Variants in PLA2G4C observed in about 807,000 individuals in gnomAD.
PLA2G4C encodes cytosolic phospholipase A2 gamma.
Under a neutral mutation model 73.8 loss-of-function variants are expected in PLA2G4C, and 64 were observed. That is an observed-to-expected ratio of 0.87 (90% CI 0.71 to 1.07). PLA2G4C has a LOEUF of 1.07. PLA2G4C is among the 50% of genes least tolerant of loss of function. The pLI is 0.00. For missense variants in PLA2G4C, 622 were observed against 665.4 expected (o/e 0.93, Z 0.72); for synonymous variants, 254 against 252.1 (o/e 1.01, Z -0.07).
chr19:48,052,518 C>T (rs976014428), intron 16 of PLA2G4C, among the ~76,000 whole-genome samples: 4 of 152,066 alleles, frequency 2.6e-5, no homozygotes, highest in South Asian at 4.2e-4. Flanking sequence ...AGGCCTCCCA[C>T]CCATGCTTCC....
At chr19:48,055,264 C>T (rs1967894450) in intron 14 of PLA2G4C, among the ~76,000 whole-genome samples, 1 of 151,424 alleles carries the variant, frequency 6.6e-6, no homozygotes, top group Admixed American at 6.6e-5. Flanking sequence ...ACAACATTCG[C>T]GAGGTTAGAG....
intron 12 of PLA2G4C, among the ~76,000 whole-genome samples, chr19:48,068,693 T>C (rs1968541004): frequency 7.0e-6 from 1 of 141,878 alleles, no homozygotes; most frequent in Admixed American, 7.2e-5. Flanking sequence ...CTCACTTGTA[T>C]CACTCAGATC....
intron 14 of PLA2G4C, among the ~76,000 whole-genome samples, chr19:48,061,021 C>T (rs1159889976): frequency 6.6e-6 from 1 of 151,998 alleles, no homozygotes; most frequent in African/African-American, 2.4e-5. Context: ...AATAGCTGGG[C>T]AGGGCGGCTT....
At chr19:48,108,512 C>G (rs536038841) in intron 1 of PLA2G4C, among the ~76,000 whole-genome samples, 1 of 152,086 alleles carries the variant, frequency 6.6e-6, no homozygotes, top group Non-Finnish European at 1.5e-5. Context: ...TCATGCGACC[C>G]CTGGTTACGT....
intron 10 of PLA2G4C, among the ~76,000 whole-genome samples, chr19:48,080,305 A>G (rs1278316553): frequency 6.6e-6 from 1 of 152,232 alleles, no homozygotes; most frequent in African/African-American, 2.4e-5. Flanking sequence ...AAGAATGGCC[A>G]TTGATAAAAA....
In PLA2G4C at chr19:48,093,674, C is replaced by T. The variant is rs543682643; in HGVS notation, c.709+1790G>A. Among the ~76,000 whole-genome samples, 277 of 152,268 alleles carry T rather than the reference C, an allele frequency of 1.8e-3. 1 individual carries two copies. Among genetic ancestry groups the T allele is most frequent in the Admixed American group, 3.3e-3 (50 of 15,272 alleles). On this transcript the variant is annotated intron_variant, in intron 7 of 16. Transcript: ENST00000599921. ...GAGGCTCCAGCCTCACTGGTCTTCT[C>T]ATTGGTTCTAGAGTAAGACAAACTT...
chr19:48,074,467 C>T (rs2122547968), intron 12 of PLA2G4C: 1 of 392,940 alleles, frequency 2.5e-6, no homozygotes. Context: ...ATCTTTCTAA[C>T]AGAATGATTT....
At chr19:48,077,729 C>T in intron 11 of PLA2G4C, 42 bp downstream of exon 11, 4 of 1,431,016 alleles carry the variant, frequency 2.8e-6, no homozygotes, top group Non-Finnish European at 3.9e-6. Context: ...AGTGTGCAGT[C>T]CACACTATCA....
At chr19:48,097,767 T>TTTTTG (rs2031675862) in intron 6 of PLA2G4C, 1 of 174,326 alleles carries the variant, frequency 5.7e-6, no homozygotes, top group Admixed American at 6.3e-5. Context: ...TTATTGTGTT[T>TTTTTG]TTTTGTTTTG....
intron 16 of PLA2G4C, among the ~76,000 whole-genome samples, chr19:48,048,752 C>A (rs1261318684): frequency 2.0e-5 from 3 of 152,176 alleles, no homozygotes; most frequent in Non-Finnish European, 4.4e-5. Context: ...CTTCCCCTAC[C>A]CTGATCCAGC....
chr19:48,105,333 C>G lies in PLA2G4C; in HGVS notation c.120G>C (p.Glu40Asp), dbSNP rs747385637. The change falls in exon 3 of 17, where the codon GAG becomes GAC. Residue 40 changes from glutamate (E) to aspartate (D), a missense_variant and splice_region_variant. By Grantham distance (45) the Glu-to-Asp change is conservative. Coordinates refer to ENST00000599921, the MANE Select transcript of PLA2G4C (RefSeq NM_003706.3). ...GGGCCACCCTCCTCCCCTCACTTACCTCATCAGCCTCAATCCTTAGCTTCT... is the reference window on the plus strand; with the variant it reads ...GGGCCACCCTCCTCCCCTCACTTACGTCATCAGCCTCAATCCTTAGCTTCT... ...ALKKLRIEAD[E>D]APVVAVLGSG... The G allele has an allele frequency of 6.2e-7, 1 of 1,605,998 alleles. No individual in the cohort carries two copies. Among genetic ancestry groups the G allele is most frequent in the African/African-American group, 1.3e-5 (1 of 74,578 alleles).
rs149797455 is a variant in PLA2G4C at position 48,054,943 on chromosome 19, A to G, written c.1364T>C (p.Ile455Thr). The G allele has an allele frequency of 5.6e-6, 9 of 1,613,984 alleles. No individual in the cohort carries two copies. Among genetic ancestry groups the G allele is most frequent in the African/African-American group, 1.3e-5 (1 of 74,992 alleles). Residue 455 changes from isoleucine (I) to threonine (T), a missense_variant, in exon 15 of 17, where the codon ATC becomes ACC. Coordinates refer to ENST00000599921, the MANE Select transcript of PLA2G4C (RefSeq NM_003706.3). Reference sequence around the variant, plus strand: ...CACTGGTCCAGTTTCTCCTTTCAGGATGTAGCAGCTGGCGGGGGCCTTGGA... The same window carrying G: ...CACTGGTCCAGTTTCTCCTTTCAGGGTGTAGCAGCTGGCGGGGGCCTTGGA... ...LWSKAPASCY[I>T]LKGETGPVVM...
chr19:48,069,028 T>C (rs1438008712), intron 12 of PLA2G4C, among the ~76,000 whole-genome samples: 8 of 127,100 alleles, frequency 6.3e-5, no homozygotes, highest in Admixed American at 2.6e-4. Flanking sequence ...CTGGGCAACA[T>C]GGTGAAACCC....
chr19:48,089,735 G>C (rs1463482140), intron 8 of PLA2G4C, among the ~76,000 whole-genome samples: 3 of 152,198 alleles, frequency 2.0e-5, no homozygotes, highest in African/African-American at 7.2e-5. Context: ...CAGTGCAGGA[G>C]AAGCAGAGCC....
At position 48,110,786 on chromosome 19, in the gene PLA2G4C, G is replaced by A. The variant is rs2032470876; in HGVS notation, c.-332C>T. The A allele has an allele frequency of 7.8e-6, 3 of 382,172 alleles. No individual in the cohort carries two copies. The highest frequency in any genetic ancestry group is 1.4e-5 in the Non-Finnish European group (3 of 215,144). The allele number at this position is 382,172 out of a possible 1,614,324, so 23.7% of individuals were successfully genotyped here. On this transcript the variant is annotated 5_prime_UTR_variant, in exon 1 of 17. Coordinates refer to ENST00000599921, the MANE Select transcript of PLA2G4C (RefSeq NM_003706.3). Reference sequence around the variant, plus strand: ...TTTAAACAGCCCTCCTCGGCTTGTAGGCCCTGCTTGGTTGCTCCAGCTTTT... The same window carrying A: ...TTTAAACAGCCCTCCTCGGCTTGTAAGCCCTGCTTGGTTGCTCCAGCTTTT...
intron 10 of PLA2G4C, among the ~76,000 whole-genome samples, chr19:48,083,767 A>T (rs766893712): frequency 1.3e-5 from 2 of 150,996 alleles, no homozygotes; most frequent in African/African-American, 2.4e-5. Context: ...TTATTTTTTA[A>T]TTTTTTTCAC....
intron 9 of PLA2G4C, among the ~76,000 whole-genome samples, chr19:48,086,528 C>T (rs992036302): frequency 4.6e-5 from 7 of 152,284 alleles, no homozygotes; most frequent in Non-Finnish European, 7.4e-5. Context: ...CTTTGCCCTG[C>T]CACCCGCCCT....
In PLA2G4C at chr19:48,068,453, T is replaced by G. The variant is rs1274835068; in HGVS notation, c.1007-567A>C. Among the ~76,000 whole-genome samples, 3 of 150,086 alleles carry G rather than the reference T, an allele frequency of 2.0e-5. No homozygotes were observed. In the East Asian group the frequency reaches 5.9e-4, roughly 29 times the overall value. ...ATCCCAGGACTTAGGGAAGCCGAGG[T>G]GGGAGGATTGCTTGAGCCCAGAAGT... On this transcript the variant is annotated intron_variant, in intron 12 of 16. Transcript: ENST00000599921.
At chr19:48,057,790 T>G (rs747838842) in intron 14 of PLA2G4C, among the ~76,000 whole-genome samples, 1 of 149,758 alleles carries the variant, frequency 6.7e-6, no homozygotes, top group African/African-American at 2.5e-5. Flanking sequence ...GCACCCGGCT[T>G]CTTCTTATTT....
Sources: allele counts gnomAD v4.1 joint callset (sites outside exome capture counted in the v4.1 genomes callset), GRCh38; gene constraint gnomAD v4.1.1; transcripts MANE v1.5; gene names NCBI Gene and HGNC (gene_info 2026-07-23, HGNC 2026-07-21).